The following ANKS1B variants were observed in gnomAD, a reference collection of about 807,000 sequenced individuals.
The protein encoded by ANKS1B is ankyrin repeat and sterile alpha motif domain-containing protein 1B.
Under a neutral mutation model 148.3 loss-of-function variants are expected in ANKS1B, and 36 were observed. The ratio of observed to expected loss-of-function variants is 0.24; its 90% CI spans 0.19 to 0.32. ANKS1B has a LOEUF of 0.32. Among genes scored for constraint, ANKS1B ranks in the 10% least tolerant of loss-of-function variants. ANKS1B has a pLI of 1.00. For missense variants in ANKS1B, 1,157 were observed against 1,542.6 expected (o/e 0.75, Z 4.19); for synonymous variants, 542 against 560.8 (o/e 0.97, Z 0.47).
chr12:99,354,902 C>T (rs966697646), intron 12 of ANKS1B, among the ~76,000 whole-genome samples: 47 of 151,958 alleles, frequency 3.1e-4, no homozygotes, highest in African/African-American at 1.0e-3. Flanking sequence ...GCATATCCAA[C>T]GGTGTTTGTA....
intron 8 of ANKS1B, among the ~76,000 whole-genome samples, chr12:99,752,428 GTTTT>G (rs957643006): frequency 3.3e-5 from 5 of 151,290 alleles, no homozygotes; most frequent in Admixed American, 1.3e-4. Flanking sequence ...TGCCTCAGTC[GTTTT>G]TTTTGTCTGC....
At chr12:99,518,696 T>A (rs2096846337) in intron 9 of ANKS1B, among the ~76,000 whole-genome samples, 1 of 152,108 alleles carries the variant, frequency 6.6e-6, no homozygotes, top group Non-Finnish European at 1.5e-5. Context: ...TTTACTGATA[T>A]CTTGTATGGA....
chr12:99,356,614 T>C (rs2092008577), intron 12 of ANKS1B, among the ~76,000 whole-genome samples: 1 of 152,158 alleles, frequency 6.6e-6, no homozygotes, highest in Non-Finnish European at 1.5e-5. Flanking sequence ...GCAGATGAGA[T>C]ACAATAACTT....
chr12:99,958,709 A>C (rs1257053972), intron 1 of ANKS1B, among the ~76,000 whole-genome samples: 5 of 152,168 alleles, frequency 3.3e-5, no homozygotes, highest in Non-Finnish European at 5.9e-5. Context: ...TCTAAGTCAA[A>C]GAATAACATG....
chr12:99,738,463 G>A (rs2059809635), intron 8 of ANKS1B, among the ~76,000 whole-genome samples: 1 of 152,032 alleles, frequency 6.6e-6, no homozygotes, highest in Non-Finnish European at 1.5e-5. Context: ...TCTTTTTATT[G>A]TAGTATTTCA....
In ANKS1B at chr12:99,826,659, C is replaced by T. The variant is rs576878041; in HGVS notation, c.135-1270G>A. Reference sequence around the variant, plus strand: ...AAAACAATGACTCCTAGTTTGCAGACGTTAAATCTTAAGTCTCTGACTTAC... The same window carrying T: ...AAAACAATGACTCCTAGTTTGCAGATGTTAAATCTTAAGTCTCTGACTTAC... On this transcript the variant is annotated intron_variant, in intron 1 of 26. Coordinates refer to ENST00000683438, the MANE Select transcript of ANKS1B (RefSeq NM_001352186.2). Among the ~76,000 whole-genome samples, 23 of 152,184 alleles carry T rather than the reference C, an allele frequency of 1.5e-4. No homozygotes were observed. In the South Asian group the frequency reaches 2.1e-3, roughly 14 times the overall value.
At chr12:99,371,455 A>G (rs1319328525) in intron 12 of ANKS1B, among the ~76,000 whole-genome samples, 1 of 152,102 alleles carries the variant, frequency 6.6e-6, no homozygotes, top group Non-Finnish European at 1.5e-5. Context: ...GAAGGGTAGG[A>G]TTAAAGATCT....
At chr12:99,164,245 A>G (rs1398009043) in intron 14 of ANKS1B, among the ~76,000 whole-genome samples, 6 of 152,142 alleles carry the variant, frequency 3.9e-5, no homozygotes, top group Admixed American at 3.9e-4. Context: ...TTAAAAAATG[A>G]GCATTTAAAA....
intron 4 of ANKS1B, among the ~76,000 whole-genome samples, chr12:99,787,759 C>T (rs1343604232): frequency 6.6e-6 from 1 of 152,206 alleles, no homozygotes; most frequent in Non-Finnish European, 1.5e-5. Flanking sequence ...GGGCGCTGCC[C>T]CTCTCCCATT....
intron 9 of ANKS1B, among the ~76,000 whole-genome samples, chr12:99,516,664 T>C (rs2096824257): frequency 6.6e-6 from 1 of 152,044 alleles, no homozygotes; most frequent in Non-Finnish European, 1.5e-5. Flanking sequence ...GATGGGTGGA[T>C]AGGTGCAGCA....
chr12:99,279,347 G>A (rs1327705242), intron 12 of ANKS1B, among the ~76,000 whole-genome samples: 1 of 152,138 alleles, frequency 6.6e-6, no homozygotes, highest in African/African-American at 2.4e-5. Context: ...TCTGTTTAAA[G>A]TATACAATTC....
rs367743357 is a variant in ANKS1B at position 99,661,781 on chromosome 12, T to C, written c.1129-6571A>G. ...ACTTTTAGCTGGGCACATGTATTCT[T>C]TGAATAAATACCACATTGTCCAGTG... On this transcript the variant is annotated intron_variant, in intron 8 of 26. Transcript: ENST00000683438. 1.2e-4 allele frequency among the ~76,000 whole-genome samples: 19 copies of C among 152,328 alleles called. No individual in the cohort carries two copies. The South Asian group carries it at 3.5e-3, about 28-fold the overall frequency.
intron 1 of ANKS1B, among the ~76,000 whole-genome samples, chr12:99,922,748 G>C (rs2094389550): frequency 6.6e-6 from 1 of 152,140 alleles, no homozygotes; most frequent in Non-Finnish European, 1.5e-5. Context: ...AGAAATTCAA[G>C]AGGTGATTAG....
chr12:99,617,807 TA>T (rs36091720), intron 9 of ANKS1B, among the ~76,000 whole-genome samples: 40,335 of 147,736 alleles, frequency 0.27, 5,698 homozygotes, highest in East Asian at 0.48. Flanking sequence ...AAGTAAGATT[TA>T]AAAAAAAAAA....
rs569419255 is a variant in ANKS1B at position 98,808,627 on chromosome 12, C to T, written c.3067-709G>A. 1.4e-3 allele frequency among the ~76,000 whole-genome samples: 211 copies of T among 152,182 alleles called. 1 individual carries two copies. The highest frequency in any genetic ancestry group is 4.8e-3 in the African/African-American group (198 of 41,522). ...ATTCAGCTCCATAATTCTGGCTCTC[C>T]CCCACACCATTAATAAGATAAACTT... On this transcript the variant is annotated intron_variant, in intron 19 of 26. Coordinates refer to ENST00000683438, the MANE Select transcript of ANKS1B (RefSeq NM_001352186.2).
intron 12 of ANKS1B, among the ~76,000 whole-genome samples, chr12:99,333,864 T>TTTTTG (rs1381068772): frequency 1.3e-5 from 2 of 149,712 alleles, no homozygotes; most frequent in African/African-American, 2.5e-5. Flanking sequence ...GTTTTTTTTT[T>TTTTTG]TTTTTTTTTT....
intron 12 of ANKS1B, among the ~76,000 whole-genome samples, chr12:99,264,504 C>A (rs991508370): frequency 1.3e-5 from 2 of 152,044 alleles, no homozygotes; most frequent in African/African-American, 4.8e-5. Flanking sequence ...ACAGTTTTAA[C>A]CCTTCATGAC....
intron 7 of ANKS1B, among the ~76,000 whole-genome samples, chr12:99,774,152 A>C (rs1388193334): frequency 1.3e-5 from 2 of 152,242 alleles, no homozygotes; most frequent in Middle Eastern, 3.4e-3. Flanking sequence ...CAAACTAAGA[A>C]GCTTCTGCAC....
chr12:99,380,065 C>T (rs563361143), intron 12 of ANKS1B, among the ~76,000 whole-genome samples: 34 of 152,298 alleles, frequency 2.2e-4, no homozygotes, highest in African/African-American at 7.9e-4. Flanking sequence ...TTGTTCTCAT[C>T]GGCATTGATA....
Sources: gnomAD v4.1 joint callset for allele counts (sites outside exome capture counted in the v4.1 genomes callset) on GRCh38, gnomAD v4.1.1 for gene constraint, MANE v1.5 for transcripts, NCBI Gene and HGNC (gene_info 2026-07-23, HGNC 2026-07-21) for gene names.